The following PADI6 variants were observed in gnomAD, a reference collection of about 807,000 sequenced individuals.
PADI6 encodes the protein peptidyl arginine deiminase 6.
A neutral mutation model predicts 78.2 loss-of-function variants in PADI6; 66 were observed. The observed-to-expected ratio is 0.84, with a 90% confidence interval of 0.69 to 1.04. The LOEUF (loss-of-function observed/expected upper bound fraction) is 1.04. Among genes scored for constraint, PADI6 ranks in the 50% least tolerant of loss-of-function variants. PADI6 has a pLI of 0.00. For missense variants in PADI6, 854 were observed against 866.1 expected (o/e 0.99, Z 0.18); for synonymous variants, 397 against 346.9 (o/e 1.14, Z -1.60).
At chr1:17,377,325 G>A (rs2075028985) in intron 3 of PADI6, among the ~76,000 whole-genome samples, 1 of 152,090 alleles carries the variant, frequency 6.6e-6, no homozygotes, top group Non-Finnish European at 1.5e-5. Flanking sequence ...CTTCAGGGAT[G>A]TTCAACTTAT....
intron 4 of PADI6, 137 bp from the exon 5 acceptor site, chr1:17,380,910 G>T: frequency 4.8e-6 from 3 of 628,054 alleles, no homozygotes; most frequent in East Asian, 3.0e-5. Context: ...ACAGATTCTT[G>T]ACCTCACCAG....
Position 17,382,048 on chromosome 1 carries a change from C to CCT in PADI6, c.637_638dup (p.Lys214ProfsTer41). 6.2e-7 allele frequency: 1 copy of CCT among 1,613,992 alleles called. No individual in the cohort carries two copies. On this transcript the variant is annotated frameshift_variant, in exon 6 of 16. Coordinates refer to ENST00000619609, the MANE Select transcript of PADI6 (RefSeq NM_207421.4). LOFTEE classifies it high-confidence loss of function. ...AAGAAATATCGGCTAGTCCTCCATA[C>CCT]CTCCAAGGAAGAGTCGAAGAAGGCG...
chr1:17,401,090 G>A, intron 15 of PADI6, 115 bp from the exon 16 acceptor site: 2 of 855,890 alleles, frequency 2.3e-6, no homozygotes, highest in South Asian at 3.4e-5. Flanking sequence ...CACTGACCTG[G>A]AGGAGGCGGC....
chr1:17,390,067 G>C (rs567757919), intron 8 of PADI6, among the ~76,000 whole-genome samples: 18 of 152,232 alleles, frequency 1.2e-4, no homozygotes, highest in Non-Finnish European at 2.9e-5. Context: ...GGGAGGCCGA[G>C]GCAGGAGGAT....
At chr1:17,400,413 A>G (rs913920271) in intron 15 of PADI6, among the ~76,000 whole-genome samples, 12 of 152,170 alleles carry the variant, frequency 7.9e-5, no homozygotes, top group Admixed American at 2.0e-4. Flanking sequence ...AGGCTGAGGC[A>G]GGAGAATCGC....
intron 15 of PADI6, 103 bp from the exon 16 acceptor site, chr1:17,401,102 G>C: frequency 9.7e-7 from 1 of 1,031,658 alleles, no homozygotes; most frequent in Non-Finnish European, 1.4e-6. Context: ...GGAGGCGGCT[G>C]CCTGCCTGCT....
intron 8 of PADI6, among the ~76,000 whole-genome samples, chr1:17,390,116 A>G (rs901103374): frequency 2.0e-5 from 3 of 152,006 alleles, no homozygotes; most frequent in Non-Finnish European, 4.4e-5. Context: ...CCTGGCCAAC[A>G]TGGTAAAACC....
intron 1 of PADI6, 86 bp from the exon 2 acceptor site, chr1:17,372,970 G>A (rs112394991): frequency 0.015 from 21,333 of 1,386,340 alleles, 220 homozygotes; most frequent in Non-Finnish European, 0.018. Context: ...TGAGGATTCG[G>A]GAGCCGTCCC....
chr1:17,401,088 T>C, intron 15 of PADI6, 117 bp from the exon 16 acceptor site: 2 of 845,660 alleles, frequency 2.4e-6, no homozygotes, highest in Non-Finnish European at 3.7e-6. Flanking sequence ...TTCACTGACC[T>C]GGAGGAGGCG....
chr1:17,395,762 C>T (rs963896616), intron 13 of PADI6, 99 bp downstream of exon 13: 61 of 1,414,198 alleles, frequency 4.3e-5, no homozygotes, highest in Non-Finnish European at 5.4e-5. Context: ...TAAAGGATGC[C>T]AGGGAAGCAC....
chr1:17,401,172 G>GT (rs756975395), intron 15 of PADI6, 33 bp from the exon 16 acceptor site: 2 of 1,605,440 alleles, frequency 1.2e-6, no homozygotes, highest in African/African-American at 2.7e-5. Context: ...TCTGATCCCT[G>GT]TCCAGGCCTC....
intron 9 of PADI6, among the ~76,000 whole-genome samples, chr1:17,392,522 A>G (rs1009575047): frequency 6.6e-6 from 1 of 152,130 alleles, no homozygotes; most frequent in African/African-American, 2.4e-5. Flanking sequence ...AGGCTGTGAG[A>G]GCTGGGCCAC....
intron 13 of PADI6, 68 bp from the exon 14 acceptor site, chr1:17,397,003 G>A (rs2526832): frequency 1.8e-4 from 279 of 1,509,620 alleles, no homozygotes; most frequent in African/African-American, 1.5e-3. Flanking sequence ...CCTGGCCCGA[G>A]TGTGCCCAGC....
chr1:17,388,952 C>A, intron 8 of PADI6, 72 bp downstream of exon 8: 1 of 1,243,934 alleles, frequency 8.0e-7, no homozygotes, highest in South Asian at 1.3e-5. Context: ...ATATGCAGGG[C>A]AGGGTGGGTG....
intron 9 of PADI6, among the ~76,000 whole-genome samples, chr1:17,392,784 G>A (rs2075201070): frequency 6.6e-6 from 1 of 152,168 alleles, no homozygotes; most frequent in South Asian, 2.1e-4. Flanking sequence ...AGAATAGTTG[G>A]GAAAATCTGC....
intron 15 of PADI6, among the ~76,000 whole-genome samples, chr1:17,400,511 T>C (rs751151134): frequency 7.7e-6 from 1 of 130,232 alleles, no homozygotes; most frequent in Non-Finnish European, 1.7e-5. Flanking sequence ...GTTTTGTTTT[T>C]TTGTTTGTTT....
chr1:17,392,783 G>A (rs767306072), intron 9 of PADI6, among the ~76,000 whole-genome samples: 1 of 152,200 alleles, frequency 6.6e-6, no homozygotes, highest in African/African-American at 2.4e-5. Flanking sequence ...AAGAATAGTT[G>A]GGAAAATCTG....
At chr1:17,387,426 C>G (rs558431294) in intron 6 of PADI6, among the ~76,000 whole-genome samples, 1 of 149,582 alleles carries the variant, frequency 6.7e-6, no homozygotes, top group Non-Finnish European at 1.5e-5. Flanking sequence ...GCCTGCTCAA[C>G]AGAGCAGGAC....
intron 1 of PADI6, among the ~76,000 whole-genome samples, chr1:17,372,787 T>C (rs146798080): frequency 1.8e-4 from 27 of 152,172 alleles, no homozygotes; most frequent in African/African-American, 5.1e-4. Context: ...GCTCCCCCCT[T>C]CTTGGGAATT....
Sources: gnomAD v4.1 joint callset for allele counts (sites outside exome capture counted in the v4.1 genomes callset) on GRCh38, gnomAD v4.1.1 for gene constraint, MANE v1.5 for transcripts, NCBI Gene and HGNC (gene_info 2026-07-23, HGNC 2026-07-21) for gene names.